The following ZSCAN32 variants were observed in gnomAD, a reference collection of about 807,000 sequenced individuals.
ZSCAN32 encodes zinc finger and SCAN domain containing 32, also known as zinc finger and SCAN domain-containing protein 32.
In ZSCAN32, 52 loss-of-function variants were observed where a neutral mutation model predicts 47.4. The ratio of observed to expected loss-of-function variants is 1.10; its 90% CI spans 0.88 to 1.38. The LOEUF (loss-of-function observed/expected upper bound fraction) is 1.38, where lower values mean the gene tolerates loss of function less well. Ranked by LOEUF, ZSCAN32 falls within the 40% of genes most tolerant of loss-of-function variation. The pLI is 0.00. For missense variants in ZSCAN32, 959 were observed against 846.0 expected (o/e 1.13, Z -1.66); for synonymous variants, 346 against 305.7 (o/e 1.13, Z -1.38).
At chr16:3,383,849 G>T in intron 6 of ZSCAN32, 138 bp from the exon 7 acceptor site, 4 of 947,842 alleles carry the variant, frequency 4.2e-6, no homozygotes, top group South Asian at 2.5e-5. Context: ...CTAATTAATA[G>T]CTTTTTATTT....
At position 3,382,764 on chromosome 16, in the gene ZSCAN32, A is replaced by C. The variant is rs2031368176; in HGVS notation, c.*88T>G. 2.7e-6 allele frequency: 4 copies of C among 1,497,084 alleles called. No homozygotes were observed. The highest frequency in any genetic ancestry group is 3.6e-6 in the Non-Finnish European group (4 of 1,123,366). 92.7% of individuals were successfully genotyped at this position (1,497,084 alleles called of 1,614,324 possible). A position where few individuals can be genotyped will look rare whatever the true frequency, so the allele number is the denominator to read the frequency against. On this transcript the variant is annotated 3_prime_UTR_variant, in exon 7 of 7. Coordinates refer to ENST00000396852, the MANE Select transcript of ZSCAN32 (RefSeq NM_001284527.2). ...CCAGTAGTCAGTAGGTCTGTTGCAAAGTCAGGGACTGGCTAGATCTCTCCA... is the reference window on the plus strand; with the variant it reads ...CCAGTAGTCAGTAGGTCTGTTGCAACGTCAGGGACTGGCTAGATCTCTCCA...
intron 2 of ZSCAN32, among the ~76,000 whole-genome samples, chr16:3,394,576 C>T (rs1464407998): frequency 6.6e-6 from 1 of 152,192 alleles, no homozygotes; most frequent in East Asian, 1.9e-4. Flanking sequence ...AATCCATTCT[C>T]TCTACATGGA....
chr16:3,387,455 TGAG>T (rs1479192178), intron 5 of ZSCAN32, among the ~76,000 whole-genome samples: 3 of 152,222 alleles, frequency 2.0e-5, no homozygotes, highest in Admixed American at 6.5e-5. Flanking sequence ...AGTAAACATC[TGAG>T]AAGAGCAGTT....
At chr16:3,387,878 CAAAT>C (rs1271682105) in intron 5 of ZSCAN32, among the ~76,000 whole-genome samples, 1 of 152,128 alleles carries the variant, frequency 6.6e-6, no homozygotes, top group Non-Finnish European at 1.5e-5. Context: ...AAAAGAGACA[CAAAT>C]AAATGTTTAC....
chr16:3,383,783 C>T, intron 6 of ZSCAN32, 72 bp from the exon 7 acceptor site: 1 of 1,443,934 alleles, frequency 6.9e-7, no homozygotes, highest in East Asian at 2.3e-5. Flanking sequence ...AAAGTTATAA[C>T]TATACTACGT....
At chr16:3,396,897 G>C (rs540136939) in intron 2 of ZSCAN32, among the ~76,000 whole-genome samples, 60 of 152,274 alleles carry the variant, frequency 3.9e-4, no homozygotes, top group Admixed American at 7.2e-4. Flanking sequence ...TCCATCCCCT[G>C]AGTGAAGGAG....
intron 3 of ZSCAN32, 102 bp downstream of exon 3, chr16:3,393,547 G>A (rs2033067726): frequency 8.5e-7 from 1 of 1,180,378 alleles, no homozygotes; most frequent in Non-Finnish European, 1.1e-6. Context: ...TATTTCAAAG[G>A]CATTTAGTCT....
intron 1 of ZSCAN32, among the ~76,000 whole-genome samples, chr16:3,398,130 C>A (rs960063785): frequency 7.9e-5 from 12 of 152,144 alleles, no homozygotes; most frequent in Non-Finnish European, 1.5e-5. Context: ...ATGAGAGGGG[C>A]CTGAATTCTG....
At position 3,390,038 on chromosome 16, in the gene ZSCAN32, G is replaced by T. The variant is rs1163464681; in HGVS notation, c.723C>A (p.Thr241=). 1 of 1,613,656 alleles carries T rather than the reference G, an allele frequency of 6.2e-7. No homozygotes were observed. Among genetic ancestry groups the T allele is most frequent in the Admixed American group, 1.7e-5 (1 of 59,970 alleles). Residue 241 remains threonine, a synonymous_variant, in exon 5 of 7, where the codon ACC becomes ACA. Coordinates refer to ENST00000396852, the MANE Select transcript of ZSCAN32 (RefSeq NM_001284527.2). ...GCGAGACGTGACTGTCCTTCCTCTG[G>T]GTGGCACCCCTGTAGAGGGCCCTTT... ...PAQRALYRGA[T]QRKDSHVSLA...
rs1474087720 is a variant in ZSCAN32 at position 3,393,727 on chromosome 16, T to A, written c.454A>T (p.Lys152Ter). The part of the protein sequence containing the change: ...ATRESLRSQW[K>*]QEVQPEEPTF... ...GGTTCCTCTGGCTGAACCTCCTGTT[T>A]CCATTGGGATCTCAGTGATTCTCTG... The change falls in exon 3 of 7, where the codon AAA becomes TAA. Residue 152 changes from lysine to a stop codon, truncating the protein, a stop_gained. Transcript: ENST00000396852. LOFTEE classifies it high-confidence loss of function. 1.9e-6 allele frequency: 3 copies of A among 1,550,466 alleles called. No homozygotes were observed. In the Admixed American group the frequency reaches 5.9e-5, roughly 30 times the overall value.
chr16:3,384,629 C>G lies in ZSCAN32; in HGVS notation c.1064G>C (p.Gly355Ala), dbSNP rs2031712920. 6.2e-7 allele frequency: 1 copy of G among 1,614,062 alleles called. No individual in the cohort carries two copies. Among genetic ancestry groups the G allele is most frequent in the African/African-American group, 1.3e-5 (1 of 74,924 alleles). Residue 355 changes from glycine (G) to alanine (A), a missense_variant, in exon 6 of 7, where the codon GGC becomes GCC. Physicochemically the swap from Gly to Ala is moderately conservative, Grantham distance 60. Coordinates refer to ENST00000396852, the MANE Select transcript of ZSCAN32 (RefSeq NM_001284527.2). ...APPMASDAVP[G>A]QEGSDIEAGE... ...AGCCTCAATATCACTTCCTTCTTGG[C>G]CAGGAACAGCATCGCTTGCCATAGG...
intron 3 of ZSCAN32, 38 bp from the exon 4 acceptor site, chr16:3,390,555 C>T (rs1388815946): frequency 6.8e-7 from 1 of 1,475,480 alleles, no homozygotes; most frequent in Non-Finnish European, 9.2e-7. Flanking sequence ...GGGCGGCTTC[C>T]ACACAACAGC....
chr16:3,398,387 A>G (rs1345637910), intron 1 of ZSCAN32, among the ~76,000 whole-genome samples: 1 of 152,144 alleles, frequency 6.6e-6, no homozygotes, highest in Non-Finnish European at 1.5e-5. Context: ...ACCAGTCAGC[A>G]TTCCCTGTTC....
Position 3,382,730 on chromosome 16 carries a change from T to A in ZSCAN32, c.*122A>T. ...GCTGACTCCTGGTCCTAGACATGGGTCTTAAGATCCAGTAGTCAGTAGGTC... is the reference window on the plus strand; with the variant it reads ...GCTGACTCCTGGTCCTAGACATGGGACTTAAGATCCAGTAGTCAGTAGGTC... On this transcript the variant is annotated 3_prime_UTR_variant, in exon 7 of 7. Coordinates refer to ENST00000396852, the MANE Select transcript of ZSCAN32 (RefSeq NM_001284527.2). 1 of 1,455,638 alleles carries A rather than the reference T, an allele frequency of 6.9e-7. No individual in the cohort carries two copies. The highest frequency in any genetic ancestry group is 9.1e-7 in the Non-Finnish European group (1 of 1,097,068). 90.2% of individuals were successfully genotyped at this position (1,455,638 alleles called of 1,614,324 possible). A position where few individuals can be genotyped will look rare whatever the true frequency, so the allele number is the denominator to read the frequency against.
Position 3,384,441 on chromosome 16 carries a change from G to C in ZSCAN32, c.1234+18C>G, listed in dbSNP as rs760900018. ...GGACTTTGCCATCCTTTGACCATCA[G>C]AGCCAAGGGAGTCTTACCAAGTCTG... On this transcript the variant is annotated intron_variant, in intron 6 of 6. Transcript: ENST00000396852. 1 of 1,613,716 alleles carries C rather than the reference G, an allele frequency of 6.2e-7. No individual in the cohort carries two copies. The highest frequency in any genetic ancestry group is 8.5e-7 in the Non-Finnish European group (1 of 1,179,854).
Position 3,397,437 on chromosome 16 carries a change from T to C in ZSCAN32, c.121A>G (p.Arg41Gly). Residue 41 changes from arginine to glycine, a missense_variant, in exon 2 of 7, where the codon AGG becomes GGG. By Grantham distance (125) the Arg-to-Gly change is moderately radical. Transcript: ENST00000396852. ...GTTACCTCCTGGTAGCAAAACTGCCTGAAGCGCTGACGGGAGGCCTCGGAG... is the reference window on the plus strand; with the variant it reads ...GTTACCTCCTGGTAGCAAAACTGCCCGAAGCGCTGACGGGAGGCCTCGGAG... ...PDSEASRQRF[R>G]QFCYQEVTGP... 1 of 1,551,374 alleles carries C rather than the reference T, an allele frequency of 6.4e-7. No individual in the cohort carries two copies. Among genetic ancestry groups the C allele is most frequent in the Non-Finnish European group, 8.7e-7 (1 of 1,147,454 alleles).
Position 3,384,844 on chromosome 16 carries a change from G to A in ZSCAN32, c.849C>T (p.Asn283=), listed in dbSNP as rs762589572. Residue 283 remains asparagine (N), a synonymous_variant, in exon 6 of 7, where the codon AAC becomes AAT. Coordinates refer to ENST00000396852, the MANE Select transcript of ZSCAN32 (RefSeq NM_001284527.2). Reference sequence around the variant, plus strand: ...CCGCCATGGCCCTGTAGATCTGGCTGTTCTGCTGACAGGTCTGGAGTTTTC... The same window carrying A: ...CCGCCATGGCCCTGTAGATCTGGCTATTCTGCTGACAGGTCTGGAGTTTTC... The part of the protein sequence containing the change: ...FYGKLQTCQQ[N]SQIYRAMAEG... 9.4e-5 allele frequency: 151 copies of A among 1,614,066 alleles called. No individual in the cohort carries two copies. Among genetic ancestry groups the A allele is most frequent in the Non-Finnish European group, 1.1e-4 (129 of 1,180,038 alleles).
intron 5 of ZSCAN32, among the ~76,000 whole-genome samples, chr16:3,387,967 G>A (rs780709085): frequency 1.2e-4 from 19 of 152,102 alleles, no homozygotes; most frequent in African/African-American, 3.9e-4. Context: ...GCCCAGAACC[G>A]CACAAGGCTC....
At position 3,393,624 on chromosome 16, in the gene ZSCAN32, G is replaced by C. The variant is rs1213599818; in HGVS notation, c.532+25C>G. Reference sequence around the variant, plus strand: ...AAATGATTGTTCCTCACCTGCCTCAGGTGAGGACAGAGGCTTCTGCTTACC... The same window carrying C: ...AAATGATTGTTCCTCACCTGCCTCACGTGAGGACAGAGGCTTCTGCTTACC... On this transcript the variant is annotated intron_variant, in intron 3 of 6. Transcript: ENST00000396852. The C allele has an allele frequency of 4.6e-6, 7 of 1,523,918 alleles. No individual in the cohort carries two copies. In the Admixed American group the frequency reaches 1.0e-4, roughly 22 times the overall value. 94.4% of individuals were successfully genotyped at this position (1,523,918 alleles called of 1,614,324 possible). A position where few individuals can be genotyped will look rare whatever the true frequency, so the allele number is the denominator to read the frequency against.
Sources: gnomAD v4.1 joint callset for allele counts (sites outside exome capture counted in the v4.1 genomes callset) on GRCh38, gnomAD v4.1.1 for gene constraint, MANE v1.5 for transcripts, NCBI Gene and HGNC (gene_info 2026-07-23, HGNC 2026-07-21) for gene names.